The following COBL variants were observed in gnomAD, a reference collection of about 807,000 sequenced individuals.
COBL encodes cordon-bleu WH2 repeat protein.
Under a neutral mutation model 98.8 loss-of-function variants are expected in COBL, and 51 were observed. The ratio of observed to expected loss-of-function variants is 0.52; its 90% CI spans 0.41 to 0.65. The LOEUF is 0.65. Among genes scored for constraint, COBL ranks in the 30% least tolerant of loss-of-function variants. The pLI, the probability that COBL is intolerant of heterozygous loss-of-function variation, is 0.00. For synonymous variants in COBL, 634 were observed against 651.7 expected (o/e 0.97, Z 0.41); for missense variants, 1,617 against 1,617.5 (o/e 1.00, Z 0.01).
intron 1 of COBL, among the ~76,000 whole-genome samples, chr7:51,302,663 A>C (rs1260149673): frequency 6.6e-6 from 1 of 152,036 alleles, no homozygotes; most frequent in Non-Finnish European, 1.5e-5. Flanking sequence ...TTGGGGAGCC[A>C]AGACAGGGAG....
At chr7:51,229,186 C>T (rs1194069688) in intron 1 of COBL, among the ~76,000 whole-genome samples, 2 of 152,202 alleles carry the variant, frequency 1.3e-5, no homozygotes, top group South Asian at 4.1e-4. Flanking sequence ...TGAAGCAGTG[C>T]CCTGAGAACT....
intron 1 of COBL, among the ~76,000 whole-genome samples, chr7:51,252,457 C>T (rs1584312571): frequency 6.6e-6 from 1 of 152,142 alleles, no homozygotes; most frequent in Admixed American, 6.5e-5. Flanking sequence ...CTGTTCTGGA[C>T]ATTTCACATA....
At chr7:51,064,277 C>T (rs932313551) in intron 7 of COBL, 19 of 151,300 alleles carry the variant, frequency 1.3e-4, no homozygotes, top group African/African-American at 4.6e-4. Context: ...CCATATATAT[C>T]CCTGTGCATT....
intron 7 of COBL, among the ~76,000 whole-genome samples, chr7:51,059,121 A>T (rs1791068777): frequency 6.6e-6 from 1 of 152,220 alleles, no homozygotes; most frequent in African/African-American, 2.4e-5. Context: ...GGCTGCGGCC[A>T]CCTGTGACCC....
intron 1 of COBL, among the ~76,000 whole-genome samples, chr7:51,278,999 T>G (rs1799570696): frequency 6.6e-6 from 1 of 152,238 alleles, no homozygotes; most frequent in Non-Finnish European, 1.5e-5. Context: ...CTAAGACACT[T>G]GCAGTCCTGT....
chr7:51,061,950 TACACACACACAC>T (rs3047134), intron 7 of COBL, among the ~76,000 whole-genome samples: 25 of 145,370 alleles, frequency 1.7e-4, no homozygotes, highest in South Asian at 8.7e-4. Flanking sequence ...CCACCATAGA[TACACACACACAC>T]ACACACACAC....
chr7:51,127,641 CAT>C (rs576015383), intron 6 of COBL, among the ~76,000 whole-genome samples: 9 of 152,258 alleles, frequency 5.9e-5, no homozygotes, highest in African/African-American at 2.2e-4. Flanking sequence ...CCCCAAAAGA[CAT>C]AGGAACAAAC....
chr7:51,093,849 A>G (rs938906360), intron 6 of COBL, among the ~76,000 whole-genome samples: 1 of 151,900 alleles, frequency 6.6e-6, no homozygotes, highest in Non-Finnish European at 1.5e-5. Context: ...GGCCATGATG[A>G]TATCACTGCA....
intron 6 of COBL, among the ~76,000 whole-genome samples, chr7:51,115,830 A>G (rs1797225225): frequency 6.6e-6 from 1 of 152,058 alleles, no homozygotes; most frequent in African/African-American, 2.4e-5. Context: ...CTGTTCTCCA[A>G]TATGATGGTG....
At chr7:51,065,394 T>C in intron 7 of COBL, 1 of 703,462 alleles carries the variant, frequency 1.4e-6, no homozygotes. Flanking sequence ...TGCCCGGGGC[T>C]GTGGTATTCA....
At chr7:51,054,457 T>C (rs771079330) in intron 7 of COBL, among the ~76,000 whole-genome samples, 1 of 152,188 alleles carries the variant, frequency 6.6e-6, no homozygotes, top group East Asian at 1.9e-4. Flanking sequence ...GCTGGGCTTG[T>C]TGGGAGATGG....
At chr7:51,191,200 A>G in intron 3 of COBL, 122 bp from the exon 4 acceptor site, 1 of 765,692 alleles carries the variant, frequency 1.3e-6, no homozygotes, top group Non-Finnish European at 2.2e-6. Context: ...TTCTTCCACA[A>G]ATTGAGTGAG....
chr7:51,164,997 C>CATACAAT (rs1379990734), intron 5 of COBL, among the ~76,000 whole-genome samples: 15 of 151,428 alleles, frequency 9.9e-5, no homozygotes, highest in African/African-American at 3.6e-4. Flanking sequence ...AATGGTTACA[C>CATACAAT]AAAAATAAAA....
At position 51,173,206 on chromosome 7, in the gene COBL, G is replaced by A. The variant is rs986600392; in HGVS notation, c.783+10896C>T. 3.3e-5 allele frequency among the ~76,000 whole-genome samples: 5 copies of A among 152,074 alleles called. No homozygotes were observed. The South Asian group carries it at 6.2e-4, about 19-fold the overall frequency. ...TGTTTTTTGTTTTTTGTTTTGAGCA[G>A]AGTCTCACTCTGTTGCCCAGGTTGG... On this transcript the variant is annotated intron_variant, in intron 5 of 12. Coordinates refer to ENST00000265136, the MANE Select transcript of COBL (RefSeq NM_015198.5).
intron 6 of COBL, among the ~76,000 whole-genome samples, chr7:51,122,494 G>C (rs954046035): frequency 6.6e-6 from 1 of 152,166 alleles, no homozygotes; most frequent in Non-Finnish European, 1.5e-5. Context: ...TATTTCCCCA[G>C]TATTTTTAGA....
intron 11 of COBL, 63 bp downstream of exon 11, chr7:51,026,483 C>T: frequency 6.3e-7 from 1 of 1,588,584 alleles, no homozygotes; most frequent in Non-Finnish European, 8.6e-7. Flanking sequence ...CACCCAAGTG[C>T]CTCGGAAGAA....
intron 12 of COBL, among the ~76,000 whole-genome samples, chr7:51,023,657 G>C (rs1787162506): frequency 1.3e-5 from 2 of 152,234 alleles, no homozygotes; most frequent in African/African-American, 4.8e-5. Context: ...GCCTTTCACA[G>C]CAAGGCTGCC....
intron 1 of COBL, among the ~76,000 whole-genome samples, chr7:51,290,784 C>A (rs1800824770): frequency 1.3e-5 from 2 of 152,146 alleles, no homozygotes. Context: ...CCCTTTCTGG[C>A]ACCATGCATA....
chr7:51,308,516 A>C (rs956983396), intron 1 of COBL, among the ~76,000 whole-genome samples: 6 of 152,184 alleles, frequency 3.9e-5, no homozygotes, highest in African/African-American at 1.4e-4. Flanking sequence ...AGCCATCCAC[A>C]TGTAATTGCA....
Sources: allele counts gnomAD v4.1 joint callset (sites outside exome capture counted in the v4.1 genomes callset), GRCh38; gene constraint gnomAD v4.1.1; transcripts MANE v1.5; gene names NCBI Gene and HGNC (gene_info 2026-07-23, HGNC 2026-07-21).